The following SRRM4 variants were observed in gnomAD, a reference collection of about 807,000 sequenced individuals.
SRRM4 encodes serine/arginine repetitive matrix 4, also known as serine/arginine repetitive matrix protein 4.
A neutral mutation model predicts 68.9 loss-of-function variants in SRRM4; 33 were observed. That is an observed-to-expected ratio of 0.48 (90% CI 0.36 to 0.64). The LOEUF is 0.64. SRRM4 is among the 30% of genes least tolerant of loss of function. The pLI is 0.00. For synonymous variants in SRRM4, 318 were observed against 318.8 expected (o/e 1.00, Z 0.03); for missense variants, 817 against 827.1 (o/e 0.99, Z 0.15).
chr12:119,005,732 G>A (rs930505189), intron 1 of SRRM4, among the ~76,000 whole-genome samples: 4 of 152,122 alleles, frequency 2.6e-5, no homozygotes, highest in African/African-American at 7.2e-5. Flanking sequence ...CAGAGTAATC[G>A]ATCAATACCT....
At chr12:119,081,388 A>T (rs943936297) in intron 1 of SRRM4, among the ~76,000 whole-genome samples, 3 of 152,156 alleles carry the variant, frequency 2.0e-5, no homozygotes, top group Non-Finnish European at 4.4e-5. Context: ...CTATTTGGAG[A>T]AAGAGTGTTC....
chr12:119,028,942 T>C lies in SRRM4; in HGVS notation c.131+46929T>C, dbSNP rs117674628. Among the ~76,000 whole-genome samples, 97 of 152,290 alleles carry C rather than the reference T, an allele frequency of 6.4e-4. No homozygotes were observed. The East Asian group carries it at 0.018, about 29-fold the overall frequency. ...GGTTTCAACATAGCAGGAGGGATTA[T>C]GGTGAGGACACACAGTGAGAATTGC... On this transcript the variant is annotated intron_variant, in intron 1 of 12. Coordinates refer to ENST00000267260, the MANE Select transcript of SRRM4 (RefSeq NM_194286.4).
intron 1 of SRRM4, 99 bp from the exon 2 acceptor site, chr12:119,102,136 AG>A: frequency 1.6e-6 from 2 of 1,233,640 alleles, no homozygotes; most frequent in Non-Finnish European, 2.2e-6. Flanking sequence ...CCTAACTGTA[AG>A]GGAAGCTGGG....
chr12:119,019,011 A>G (rs573732784), intron 1 of SRRM4, among the ~76,000 whole-genome samples: 2 of 152,302 alleles, frequency 1.3e-5, no homozygotes, highest in South Asian at 4.1e-4. Flanking sequence ...GAGATTTATC[A>G]CAGGGAACTT....
intron 8 of SRRM4, among the ~76,000 whole-genome samples, chr12:119,137,563 A>G (rs544047836): frequency 1.4e-5 from 2 of 148,064 alleles, no homozygotes; most frequent in East Asian, 4.0e-4. Context: ...TTAAGGAACA[A>G]GGAGATGAGG....
At chr12:119,150,910 G>A in intron 9 of SRRM4, 107 bp from the exon 10 acceptor site, 1 of 974,744 alleles carries the variant, frequency 1.0e-6, no homozygotes, top group East Asian at 2.6e-5. Flanking sequence ...GGGGCAAAGA[G>A]GGTTCTATGA....
At chr12:119,036,105 G>C (rs1953625332) in intron 1 of SRRM4, among the ~76,000 whole-genome samples, 1 of 152,136 alleles carries the variant, frequency 6.6e-6, no homozygotes, top group Non-Finnish European at 1.5e-5. Flanking sequence ...AAGGAGTTTT[G>C]CCTGCATGGA....
chr12:119,117,062 A>G (rs576574816), intron 4 of SRRM4, 54 bp downstream of exon 4: 1 of 1,457,288 alleles, frequency 6.9e-7, no homozygotes, highest in African/African-American at 1.4e-5. Flanking sequence ...TGGGGAGGAC[A>G]GTTGATGGCA....
At chr12:119,039,092 A>G (rs189412086) in intron 1 of SRRM4, among the ~76,000 whole-genome samples, 22 of 152,380 alleles carry the variant, frequency 1.4e-4, no homozygotes, top group Admixed American at 6.5e-4. Context: ...GCATCATCTC[A>G]GCTCTTACTT....
chr12:119,111,543 A>G (rs1342079747), intron 2 of SRRM4, among the ~76,000 whole-genome samples: 2 of 152,206 alleles, frequency 1.3e-5, no homozygotes, highest in African/African-American at 2.4e-5. Context: ...TTTGTAAGAC[A>G]CACTCTAAAA....
intron 1 of SRRM4, among the ~76,000 whole-genome samples, chr12:119,018,319 G>T (rs1373980809): frequency 6.6e-6 from 1 of 152,178 alleles, no homozygotes; most frequent in African/African-American, 2.4e-5. Context: ...TTATCTCTGT[G>T]TGCTATTTCA....
At chr12:119,071,991 G>A (rs1281392762) in intron 1 of SRRM4, among the ~76,000 whole-genome samples, 1 of 152,232 alleles carries the variant, frequency 6.6e-6, no homozygotes, top group Non-Finnish European at 1.5e-5. Context: ...TCAGAGTAAA[G>A]CTCTGCAGCA....
intron 1 of SRRM4, among the ~76,000 whole-genome samples, chr12:119,053,526 ACT>A (rs761852643): frequency 6.6e-6 from 1 of 151,834 alleles, no homozygotes; most frequent in Non-Finnish European, 1.5e-5. Flanking sequence ...AAGGTTTGTG[ACT>A]CTCTGTTTTG....
At chr12:119,097,449 T>C (rs117191442) in intron 1 of SRRM4, among the ~76,000 whole-genome samples, 1 of 152,218 alleles carries the variant, frequency 6.6e-6, no homozygotes, top group African/African-American at 2.4e-5. Flanking sequence ...ATTCAATGAA[T>C]GTTCATTGAG....
At chr12:119,155,486 C>T (rs547033139) in intron 12 of SRRM4, among the ~76,000 whole-genome samples, 4 of 152,354 alleles carry the variant, frequency 2.6e-5, no homozygotes, top group South Asian at 4.1e-4. Context: ...AATTCCTAAA[C>T]CCTTGGGAGG....
intron 8 of SRRM4, among the ~76,000 whole-genome samples, chr12:119,141,046 A>G (rs1421431098): frequency 6.6e-6 from 1 of 151,620 alleles, no homozygotes; most frequent in Admixed American, 6.6e-5. Context: ...GGTTCAAGAA[A>G]CTCTCCCACC....
chr12:119,079,273 C>G (rs1172186080), intron 1 of SRRM4, among the ~76,000 whole-genome samples: 2 of 152,114 alleles, frequency 1.3e-5, no homozygotes, highest in African/African-American at 2.4e-5. Flanking sequence ...GAGACTGGAT[C>G]GTGTCTGGCC....
chr12:119,148,069 G>A (rs1463340923), intron 9 of SRRM4, among the ~76,000 whole-genome samples: 1 of 152,230 alleles, frequency 6.6e-6, no homozygotes, highest in Admixed American at 6.5e-5. Flanking sequence ...GGGTGGAAAA[G>A]CTTTGCTGGT....
chr12:119,132,622 G>A (rs894529877), intron 8 of SRRM4, among the ~76,000 whole-genome samples: 2 of 152,226 alleles, frequency 1.3e-5, no homozygotes, highest in Non-Finnish European at 1.5e-5. Flanking sequence ...TTACCAGATT[G>A]GCTATTGGTA....
Sources: gnomAD v4.1 joint callset for allele counts (sites outside exome capture counted in the v4.1 genomes callset) on GRCh38, gnomAD v4.1.1 for gene constraint, MANE v1.5 for transcripts, NCBI Gene and HGNC (gene_info 2026-07-23, HGNC 2026-07-21) for gene names.